FAN1: variants seen among roughly 807,000 people sequenced by gnomAD.
FAN1 encodes FANCD2 and FANCI associated nuclease 1.
In FAN1, 91 loss-of-function variants were observed where a neutral mutation model predicts 104.9. The observed-to-expected ratio is 0.87, with a 90% confidence interval of 0.73 to 1.03. FAN1 has a LOEUF of 1.03. FAN1 is among the 50% of genes least tolerant of loss of function. The probability of loss-of-function intolerance (pLI) is 0.00; values close to 1 mark genes in which losing one functional copy is unlikely to be tolerated. For synonymous variants in FAN1, 478 were observed against 457.6 expected, an observed-to-expected ratio of 1.04 and a Z score of -0.57; for missense variants, 1,263 against 1,239.9, an observed-to-expected ratio of 1.02 and a Z score of -0.28.
intron 2 of FAN1, chr15:30,906,363 C>T (rs1233424757): frequency 4.4e-6 from 2 of 457,430 alleles, no homozygotes; most frequent in Non-Finnish European, 4.4e-6. Flanking sequence ...CTCCCAACAA[C>T]ATTTTAGATT....
At chr15:30,908,313 TC>T in intron 3 of FAN1, 55 bp downstream of exon 3, 1 of 1,464,426 alleles carries the variant, frequency 6.8e-7, no homozygotes, top group East Asian at 2.4e-5. Context: ...GAACTGAGCT[TC>T]TGCAGAATGA....
intron 13 of FAN1, among the ~76,000 whole-genome samples, chr15:30,931,794 G>C (rs1292450805): frequency 1.3e-5 from 2 of 152,068 alleles, no homozygotes; most frequent in African/African-American, 2.4e-5. Flanking sequence ...TGTATTTCTT[G>C]ATTATTGTAG....
chr15:30,930,519 A>T (rs748760608), intron 12 of FAN1, 24 bp from the exon 13 acceptor site: 2 of 1,570,092 alleles, frequency 1.3e-6, no homozygotes, highest in Non-Finnish European at 8.6e-7. Flanking sequence ...GGAAGTGGCT[A>T]ACTGTCCTGT....
In FAN1 at chr15:30,942,337, A is replaced by ATAAGT. The variant is rs1296244004; in HGVS notation, c.*777_*781dup. 2 of 522,950 alleles carry ATAAGT rather than the reference A, an allele frequency of 3.8e-6. No individual in the cohort carries two copies. The highest frequency in any genetic ancestry group is 3.5e-5 in the Admixed American group (1 of 28,896). 32.4% of individuals were successfully genotyped at this position (522,950 alleles called of 1,614,324 possible). ...CTCCTATCCACTAATTTGCTTAAGG[A>ATAAGT]TAAGTTCTAAGACGGGCTAGAAAAA... On this transcript the variant is annotated 3_prime_UTR_variant, in exon 15 of 15. Transcript: ENST00000362065.
At chr15:30,929,442 C>A (rs773992238) in intron 12 of FAN1, 45 bp downstream of exon 12, 3 of 1,494,030 alleles carry the variant, frequency 2.0e-6, no homozygotes, top group Non-Finnish European at 2.7e-6. Flanking sequence ...AAAGTTAACA[C>A]CGCCCCAGTG....
At position 30,942,386 on chromosome 15, in the gene FAN1, C is replaced by G; in HGVS notation, c.*824C>G. The stretch of plus-strand genomic sequence containing the variant: ...AAACACTAGACCTGGCCGATTCTAT[C>G]AAGAACAATGGCAAACTGAACAGAG... On this transcript the variant is annotated 3_prime_UTR_variant, in exon 15 of 15. Coordinates refer to ENST00000362065, the MANE Select transcript of FAN1 (RefSeq NM_014967.5). The G allele has an allele frequency of 5.2e-6, 2 of 384,566 alleles. No individual in the cohort carries two copies. The highest frequency in any genetic ancestry group is 8.6e-5 in the South Asian group (2 of 23,196). 23.8% of individuals were successfully genotyped at this position (384,566 alleles called of 1,614,324 possible). A position where few individuals can be genotyped will look rare whatever the true frequency, so the allele number is the denominator to read the frequency against.
At chr15:30,928,235 C>T in intron 10 of FAN1, 1 of 1,083,134 alleles carries the variant, frequency 9.2e-7, no homozygotes, top group Non-Finnish European at 1.1e-6. Flanking sequence ...GGGTATCTGC[C>T]TATTTTTCTT....
chr15:30,905,878 T>C lies in FAN1; in HGVS notation c.1215T>C (p.Thr405=). 1.2e-6 allele frequency: 2 copies of C among 1,612,834 alleles called. No homozygotes were observed. Among genetic ancestry groups the C allele is most frequent in the Non-Finnish European group, 1.7e-6 (2 of 1,178,994 alleles). Residue 405 remains threonine, a synonymous_variant, in exon 2 of 15, where the codon ACT becomes ACC. Transcript: ENST00000362065. The stretch of plus-strand genomic sequence containing the variant: ...ATGAGCAGGAGAAGGGAATTGTAAC[T>C]AAATTTTATCAGTTATCAGGTATCT... The part of the protein sequence containing the change: ...LFDEQEKGIV[T]KFYQLSATGQ...
rs567237552 is a variant in FAN1 at position 30,927,028 on chromosome 15, C to T, written c.2488+1089C>T. On this transcript the variant is annotated intron_variant, in intron 10 of 14. Transcript: ENST00000362065. The stretch of plus-strand genomic sequence containing the variant: ...CATGGACCACTTAGGAGTTAAGGAA[C>T]GAACCAGGCACGGTAGCTTACACTT... 3.8e-5 allele frequency: 37 copies of T among 985,182 alleles called. No homozygotes were observed. The South Asian group carries it at 8.5e-4, about 23-fold the overall frequency. 61.0% of individuals were successfully genotyped at this position (985,182 alleles called of 1,614,324 possible).
intron 10 of FAN1, 138 bp downstream of exon 10, chr15:30,926,077 C>G (rs1222811239): frequency 1.2e-6 from 1 of 808,256 alleles, no homozygotes; most frequent in Non-Finnish European, 2.0e-6. Flanking sequence ...TGGGGGATGT[C>G]TTCCTATTCT....
chr15:30,925,675 T>C, intron 9 of FAN1, 114 bp from the exon 10 acceptor site: 2 of 1,197,340 alleles, frequency 1.7e-6, no homozygotes, highest in Non-Finnish European at 1.2e-6. Context: ...CTGTGTGCTC[T>C]ACTAAGTGAC....
At chr15:30,915,900 G>T (rs954594771) in intron 5 of FAN1, among the ~76,000 whole-genome samples, 2 of 152,114 alleles carry the variant, frequency 1.3e-5, no homozygotes, top group Non-Finnish European at 2.9e-5. Flanking sequence ...TTTGATTCTT[G>T]ATTTGGATTT....
Position 30,910,724 on chromosome 15 carries a change from C to CT in FAN1, c.1487dup (p.Val497GlyfsTer20), listed in dbSNP as rs1406919438. The CT allele has an allele frequency of 6.2e-7, 1 of 1,614,080 alleles. No individual in the cohort carries two copies. On this transcript the variant is annotated frameshift_variant, in exon 4 of 15. Coordinates refer to ENST00000362065, the MANE Select transcript of FAN1 (RefSeq NM_014967.5). LOFTEE classifies it high-confidence loss of function. ...GAATCCCAATGGACAGAAACAGCAGCTGGTGGACGCCTTTCTCAAATTGGC... is the reference window on the plus strand; with the variant it reads ...GAATCCCAATGGACAGAAACAGCAGCTTGGTGGACGCCTTTCTCAAATTGGC...
In FAN1 at chr15:30,920,598, A is replaced by C. The variant is rs1245102546; in HGVS notation, c.1997A>C (p.Tyr666Ser). The C allele has an allele frequency of 6.2e-7, 1 of 1,612,194 alleles. No homozygotes were observed. The highest frequency in any genetic ancestry group is 8.5e-7 in the Non-Finnish European group (1 of 1,179,330). Residue 666 changes from tyrosine (Y) to serine (S), a missense_variant, in exon 7 of 15, where the codon TAT becomes TCT. Tyr to Ser is a moderately radical substitution (Grantham distance 144, BLOSUM62 -2). Around this residue, in one of 2 missense-constraint regions of FAN1, gnomAD observed 581 missense variants for 668.8 expected, o/e 0.87. Coordinates refer to ENST00000362065, the MANE Select transcript of FAN1 (RefSeq NM_014967.5). ...CGGTGTTTCACTGTTGGGTGGATTT[A>C]TACAAGGATTTTGTCTCGGTTTGTG... ...FLRCFTVGWI[Y>S]TRILSRFVEI...
chr15:30,924,555 C>T (rs1256632907), intron 8 of FAN1, among the ~76,000 whole-genome samples: 1 of 152,144 alleles, frequency 6.6e-6, no homozygotes, highest in African/African-American at 2.4e-5. Context: ...TTGTGGCTTT[C>T]TGTGTTTGTT....
chr15:30,917,578 G>A (rs149259306), intron 5 of FAN1, among the ~76,000 whole-genome samples: 1 of 152,208 alleles, frequency 6.6e-6, no homozygotes, highest in Non-Finnish European at 1.5e-5. Context: ...TACTCAAAGT[G>A]TTAACAGAAT....
At chr15:30,929,866 T>TCATATATA (rs1555403268) in intron 12 of FAN1, among the ~76,000 whole-genome samples, 1 of 92,632 alleles carries the variant, frequency 1.1e-5, no homozygotes, top group African/African-American at 4.7e-5. Flanking sequence ...ATATATAATA[T>TCATATATA]ATATAAAATA....
At chr15:30,940,088 A>G in intron 14 of FAN1, 1 of 984,028 alleles carries the variant, frequency 1.0e-6, no homozygotes, top group East Asian at 1.1e-4. Flanking sequence ...AGCTAACTAG[A>G]CACTTTACTA....
intron 8 of FAN1, 78 bp downstream of exon 8, chr15:30,922,432 TAA>T (rs1399227641): frequency 7.3e-7 from 1 of 1,370,320 alleles, no homozygotes. Flanking sequence ...CTTAATGCCT[TAA>T]AATTTACATG....
Sources: gnomAD v4.1 joint callset for allele counts (sites outside exome capture counted in the v4.1 genomes callset) on GRCh38, gnomAD v4.1.1 for gene constraint, gnomAD v4.1.1 regional missense constraint, MANE v1.5 for transcripts, NCBI Gene and HGNC (gene_info 2026-07-23, HGNC 2026-07-21) for gene names.